MAGI3: variants seen among roughly 807,000 people sequenced by gnomAD.
MAGI3 encodes membrane-associated guanylate kinase, WW and PDZ domain-containing protein 3.
In MAGI3, 43 loss-of-function variants were observed where a neutral mutation model predicts 121.8. The observed-to-expected ratio is 0.35, with a 90% confidence interval of 0.28 to 0.46. The LOEUF (loss-of-function observed/expected upper bound fraction) is 0.46, where lower values mean the gene tolerates loss of function less well. Among genes scored for constraint, MAGI3 ranks in the 20% least tolerant of loss-of-function variants. The pLI, the probability that MAGI3 is intolerant of heterozygous loss-of-function variation, is 1.00. For missense variants in MAGI3, 1,547 were observed against 1,797.3 expected, an observed-to-expected ratio of 0.86 and a Z score of 2.52; for synonymous variants, 553 against 639.3, an observed-to-expected ratio of 0.86 and a Z score of 2.04.
Position 113,390,713 on chromosome 1 carries a change from G to T in MAGI3, c.-321G>T, listed in dbSNP as rs1570901131. 6.3e-6 allele frequency: 1 copy of T among 159,484 alleles called. No homozygotes were observed. The highest frequency in any genetic ancestry group is 1.4e-5 in the Non-Finnish European group (1 of 72,724). 9.9% of individuals were successfully genotyped at this position (159,484 alleles called of 1,614,324 possible). ...CGGGCGCTGAGCCCAGGGACCAGCC[G>T]GCGGCAGTGACCCCGCCCGAAGCCC... On this transcript the variant is annotated 5_prime_UTR_variant, in exon 1 of 21. Coordinates refer to ENST00000307546, the MANE Select transcript of MAGI3 (RefSeq NM_001142782.2).
intron 5 of MAGI3, among the ~76,000 whole-genome samples, chr1:113,591,408 G>A (rs115870915): frequency 0.016 from 2,473 of 152,044 alleles, 32 homozygotes; most frequent in Non-Finnish European, 0.025. Flanking sequence ...ATTAAATAAC[G>A]GTTAAAATAT....
In MAGI3 at chr1:113,673,396, G is replaced by A. The variant is rs754189647; in HGVS notation, c.3120G>A (p.Glu1040=). 72 of 1,612,500 alleles carry A rather than the reference G, an allele frequency of 4.5e-5. No individual in the cohort carries two copies. Among genetic ancestry groups the A allele is most frequent in the Non-Finnish European group, 6.1e-5 (72 of 1,179,834 alleles). ...GATTCAGCCTCCGAGGGGGGAAGGA[G>A]TACAACATGGGGCTGTTCATCCTTC... ...GFGFSLRGGK[E]YNMGLFILRL... Residue 1040 remains glutamate (E), a synonymous_variant, in exon 19 of 21, where the codon GAG becomes GAA. Transcript: ENST00000307546.
chr1:113,423,559 C>T (rs1485619764), intron 1 of MAGI3, among the ~76,000 whole-genome samples: 1 of 152,174 alleles, frequency 6.6e-6, no homozygotes, highest in Non-Finnish European at 1.5e-5. Context: ...GCGTGAGCCA[C>T]TGGGCCCTGC....
At chr1:113,512,947 T>A (rs1207417083) in intron 1 of MAGI3, among the ~76,000 whole-genome samples, 2 of 152,148 alleles carry the variant, frequency 1.3e-5, no homozygotes, top group Admixed American at 6.5e-5. Context: ...ACAAAATCAA[T>A]GTACAAAAAT....
At chr1:113,517,182 G>A (rs900189597) in intron 1 of MAGI3, among the ~76,000 whole-genome samples, 5 of 151,968 alleles carry the variant, frequency 3.3e-5, no homozygotes, top group African/African-American at 9.6e-5. Flanking sequence ...AGTCAATAAT[G>A]TATCAATATT....
In MAGI3 at chr1:113,535,548, C is replaced by T. The variant is rs959983183; in HGVS notation, c.317-13967C>T. ...ATTATTAATGATGTACTCATCAGTT[C>T]CCTATAGTTGGACACATTTTTTTAC... On this transcript the variant is annotated intron_variant, in intron 1 of 20. Coordinates refer to ENST00000307546, the MANE Select transcript of MAGI3 (RefSeq NM_001142782.2). Among the ~76,000 whole-genome samples the T allele has an allele frequency of 3.9e-5, 6 of 152,058 alleles. No homozygotes were observed. In the East Asian group the frequency reaches 9.7e-4, roughly 24 times the overall value.
chr1:113,618,082 G>C (rs1408850496), intron 7 of MAGI3, among the ~76,000 whole-genome samples: 1 of 151,886 alleles, frequency 6.6e-6, no homozygotes, highest in Non-Finnish European at 1.5e-5. Flanking sequence ...TTTAGTCCCT[G>C]CTGCCCATTT....
chr1:113,639,473 C>T (rs1359145822), intron 9 of MAGI3, among the ~76,000 whole-genome samples: 1 of 152,236 alleles, frequency 6.6e-6, no homozygotes. Context: ...AGAATCTCGG[C>T]TCATTGCAAC....
chr1:113,421,154 C>A (rs2101381564), intron 1 of MAGI3, among the ~76,000 whole-genome samples: 1 of 152,118 alleles, frequency 6.6e-6, no homozygotes, highest in African/African-American at 2.4e-5. Flanking sequence ...TGTTGTGCCT[C>A]ATGTTTTCTA....
intron 6 of MAGI3, among the ~76,000 whole-genome samples, chr1:113,597,162 C>T (rs185608788): frequency 1.9e-4 from 29 of 152,258 alleles, no homozygotes; most frequent in African/African-American, 6.7e-4. Context: ...AAATACTATA[C>T]ATGCTATATG....
At position 113,672,634 on chromosome 1, in the gene MAGI3, A is replaced by G. The variant is rs1571031573; in HGVS notation, c.2938A>G (p.Ile980Val). 4.3e-6 allele frequency: 7 copies of G among 1,613,708 alleles called. No homozygotes were observed. The highest frequency in any genetic ancestry group is 2.7e-5 in the African/African-American group (2 of 75,018). The change falls in exon 18 of 21, where the codon ATT (isoleucine) becomes GTT (valine). Residue 980 changes from isoleucine (I) to valine (V), a missense_variant. Coordinates refer to ENST00000307546, the MANE Select transcript of MAGI3 (RefSeq NM_001142782.2). ...PGDRSALEGE[I>V]GKDVSTSYRH... ...TTGTAGAAGTGCCCTAGAAGGTGAA[A>G]TTGGAAAAGATGTCTCCACTTCTTA...
chr1:113,509,889 C>T (rs1034127236), intron 1 of MAGI3, among the ~76,000 whole-genome samples: 7 of 149,694 alleles, frequency 4.7e-5, no homozygotes, highest in East Asian at 2.0e-4. Context: ...GCCTGTCTCG[C>T]GGTGCTGTTC....
At chr1:113,392,907 C>G (rs971672948) in intron 1 of MAGI3, among the ~76,000 whole-genome samples, 2 of 152,188 alleles carry the variant, frequency 1.3e-5, no homozygotes, top group African/African-American at 4.8e-5. Context: ...GCTGCCAAAT[C>G]TTAGTTCAAA....
At chr1:113,440,267 A>G (rs1440132130) in intron 1 of MAGI3, among the ~76,000 whole-genome samples, 1 of 152,196 alleles carries the variant, frequency 6.6e-6, no homozygotes, top group Non-Finnish European at 1.5e-5. Flanking sequence ...TGATCTTATC[A>G]TAGCTACAAG....
intron 2 of MAGI3, among the ~76,000 whole-genome samples, chr1:113,563,329 T>C (rs1171895291): frequency 6.6e-6 from 1 of 152,218 alleles, no homozygotes; most frequent in Non-Finnish European, 1.5e-5. Flanking sequence ...AAATCTACTT[T>C]TTTGCCTGCT....
intron 6 of MAGI3, among the ~76,000 whole-genome samples, chr1:113,599,538 G>T (rs1400710077): frequency 6.6e-6 from 1 of 152,140 alleles, no homozygotes; most frequent in East Asian, 1.9e-4. Flanking sequence ...TTGAATCTCT[G>T]AGTAGACCAA....
At chr1:113,535,680 G>A (rs775658106) in intron 1 of MAGI3, among the ~76,000 whole-genome samples, 7 of 152,040 alleles carry the variant, frequency 4.6e-5, no homozygotes, top group Admixed American at 6.5e-5. Context: ...GCAACTGTAT[G>A]CCCTCATTAA....
At position 113,391,198 on chromosome 1, in the gene MAGI3, C is replaced by T; in HGVS notation, c.165C>T (p.Gly55=). ...GGCTCCGCGAGGAGCCCGGCGGGGG[C>T]ACCTGCTGCGTCGTCTCGGGCAAGG... ...LGRLREEPGG[G]TCCVVSGKAP... Residue 55 remains glycine (G), a synonymous_variant, in exon 1 of 21, where the codon GGC becomes GGT. Transcript: ENST00000307546. This position sits in a 1 kb window ranked among gnomAD's most constrained non-coding sequence, Gnocchi z 4.4. The T allele has an allele frequency of 6.4e-7, 1 of 1,551,854 alleles. No individual in the cohort carries two copies. The highest frequency in any genetic ancestry group is 2.4e-5 in the East Asian group (1 of 41,220).
intron 11 of MAGI3, 92 bp downstream of exon 11, chr1:113,643,866 T>G (rs1652687800): frequency 1.5e-6 from 2 of 1,302,658 alleles, no homozygotes; most frequent in Non-Finnish European, 2.2e-6. Context: ...GTGGTGATGA[T>G]TATCGACTGG....
Sources: gnomAD v4.1 joint callset for allele counts (sites outside exome capture counted in the v4.1 genomes callset) on GRCh38, gnomAD v4.1.1 for gene constraint, Gnocchi (gnomAD v3.1) non-coding constraint, MANE v1.5 for transcripts, NCBI Gene and HGNC (gene_info 2026-07-23, HGNC 2026-07-21) for gene names.